PHF12: variants seen among roughly 807,000 people sequenced by gnomAD.
PHF12 encodes the protein PHD factor 1.
Under a neutral mutation model 99.8 loss-of-function variants are expected in PHF12, and 6 were observed. The observed-to-expected ratio is 0.06, with a 90% CI of 0.03 to 0.12. PHF12 has a LOEUF of 0.12. Among genes scored for constraint, PHF12 ranks in the 10% least tolerant of loss-of-function variants. The pLI is 1.00. For synonymous variants in PHF12, 480 were observed against 514.9 expected, an observed-to-expected ratio of 0.93 and a Z score of 0.92; for missense variants, 954 against 1,300.1, an observed-to-expected ratio of 0.73 and a Z score of 4.09.
In PHF12 at chr17:28,951,132, G is replaced by C; in HGVS notation, c.-172C>G. ...CCCCCCGGCCCCCAGTCCCCGGGACGACAGCGTCCTCCCGACGGGCCGCGA... is the reference window on the plus strand; with the variant it reads ...CCCCCCGGCCCCCAGTCCCCGGGACCACAGCGTCCTCCCGACGGGCCGCGA... On this transcript the variant is annotated 5_prime_UTR_variant, in exon 1 of 15. Transcript: ENST00000332830. The C allele has an allele frequency of 7.0e-7, 1 of 1,436,678 alleles. No individual in the cohort carries two copies. The highest frequency in any genetic ancestry group is 9.1e-7 in the Non-Finnish European group (1 of 1,098,266). 89.0% of individuals were successfully genotyped at this position (1,436,678 alleles called of 1,614,324 possible).
intron 4 of PHF12, 45 bp downstream of exon 4, chr17:28,923,863 TG>T: frequency 6.4e-7 from 1 of 1,556,516 alleles, no homozygotes; most frequent in Non-Finnish European, 8.7e-7. Flanking sequence ...GCTGGTCCTT[TG>T]GGGAAACTGG....
intron 2 of PHF12, among the ~76,000 whole-genome samples, chr17:28,927,350 A>T (rs2040299243): frequency 6.6e-6 from 1 of 152,220 alleles, no homozygotes; most frequent in South Asian, 2.1e-4. Flanking sequence ...GTTTTCTTAA[A>T]GCCTGTTAGT....
chr17:28,933,769 G>C (rs1176847601), intron 2 of PHF12, among the ~76,000 whole-genome samples: 2 of 152,064 alleles, frequency 1.3e-5, no homozygotes, highest in East Asian at 3.9e-4. Context: ...AGTAGTCTAG[G>C]CCAGGCTGTA....
rs1294153552 is a variant in PHF12, at chr17:28,949,566, A to C, written c.248+499T>G. The C allele has an allele frequency of 6.5e-6, 1 of 154,646 alleles. No homozygotes were observed. Among genetic ancestry groups the C allele is most frequent in the East Asian group, 1.9e-4 (1 of 5,264 alleles). 9.6% of individuals were successfully genotyped at this position (154,646 alleles called of 1,614,324 possible). On this transcript the variant is annotated intron_variant, in intron 2 of 14. Transcript: ENST00000332830. This position sits in a 1 kb window ranked among gnomAD's most constrained non-coding sequence, Gnocchi z 4.6. ...AAACAGAGAGGCAAAGAAGAGGCGG[A>C]CTCGAGAGACACCCTCCACGATTTT...
In PHF12 at chr17:28,917,777, GGCCCTCTAATAGCA is replaced by G. The variant is rs1232979963; in HGVS notation, c.970-342_970-329del. On this transcript the variant is annotated intron_variant, in intron 6 of 14. Coordinates refer to ENST00000332830, the MANE Select transcript of PHF12 (RefSeq NM_001033561.2). ...TCCAGCTCAGAGAAGCCTCTGTCAG[GGCCCTCTAATAGCA>G]GCACAGGTTTCAGAGAAGACGTATG... 2.0e-5 allele frequency among the ~76,000 whole-genome samples: 3 copies of G among 152,112 alleles called. No individual in the cohort carries two copies. The East Asian group carries it at 5.8e-4, about 29-fold the overall frequency.
chr17:28,921,574 C>CT (rs1317743868), intron 5 of PHF12, 114 bp downstream of exon 5: 1 of 1,333,446 alleles, frequency 7.5e-7, no homozygotes, highest in Non-Finnish European at 1.0e-6. Flanking sequence ...TGTACTCATA[C>CT]TATCAGAATA....
intron 2 of PHF12, among the ~76,000 whole-genome samples, chr17:28,929,250 AT>A (rs1213834193): frequency 5.4e-5 from 8 of 148,684 alleles, no homozygotes; most frequent in South Asian, 2.1e-4. Context: ...AAAATTGAGT[AT>A]TTTTTTTTGA....
chr17:28,907,796 G>A, intron 12 of PHF12, 124 bp from the exon 13 acceptor site: 1 of 754,632 alleles, frequency 1.3e-6, no homozygotes, highest in Non-Finnish European at 2.3e-6. Flanking sequence ...CTTCAAGGGT[G>A]AGTAGCTCAG....
At chr17:28,922,601 C>T (rs1305329749) in intron 4 of PHF12, among the ~76,000 whole-genome samples, 1 of 152,090 alleles carries the variant, frequency 6.6e-6, no homozygotes, top group Non-Finnish European at 1.5e-5. Flanking sequence ...GTCCTATAGA[C>T]ATAGTCACAC....
chr17:28,912,311 G>C, intron 9 of PHF12, 171 bp downstream of exon 9: 1 of 1,398,268 alleles, frequency 7.2e-7, no homozygotes, highest in Non-Finnish European at 9.2e-7. Flanking sequence ...TTTATAAACG[G>C]GACAAGTTAA....
chr17:28,915,373 G>A (rs1482837644), intron 7 of PHF12, among the ~76,000 whole-genome samples: 2 of 152,018 alleles, frequency 1.3e-5, no homozygotes, highest in African/African-American at 2.4e-5. Context: ...TACTGCAATA[G>A]GAGATACAGG....
rs767961195 is a variant in PHF12 at position 28,906,441 on chromosome 17, C to T, written c.2757G>A (p.Pro919=). Residue 919 remains proline, a synonymous_variant, in exon 15 of 15, where the codon CCG becomes CCA. Coordinates refer to ENST00000332830, the MANE Select transcript of PHF12 (RefSeq NM_001033561.2). This position sits in a 1 kb window ranked among gnomAD's most constrained non-coding sequence, Gnocchi z 4.2. Reference sequence around the variant, plus strand: ...CTTTGCAATTGCAGGGTCTCCGCTGCGGCCCCTGGGCCTGGGAACTCATCA... The same window carrying T: ...CTTTGCAATTGCAGGGTCTCCGCTGTGGCCCCTGGGCCTGGGAACTCATCA... ...AAMMSSQAQG[P]QRRPCNCKAS... 12 of 1,613,960 alleles carry T rather than the reference C, an allele frequency of 7.4e-6. No individual in the cohort carries two copies. Among genetic ancestry groups the T allele is most frequent in the Middle Eastern group, 1.6e-4 (1 of 6,082 alleles).
chr17:28,935,714 A>G (rs2040497591), intron 2 of PHF12, among the ~76,000 whole-genome samples: 1 of 152,200 alleles, frequency 6.6e-6, no homozygotes, highest in African/African-American at 2.4e-5. Context: ...GCTCTCTGTG[A>G]GGCCTAGAGG....
intron 2 of PHF12, chr17:28,944,370 G>T: frequency 1.6e-6 from 1 of 636,076 alleles, no homozygotes; most frequent in Non-Finnish European, 2.0e-6. Flanking sequence ...CACAAAAACT[G>T]TAATCTTTCA....
chr17:28,911,438 C>T, intron 9 of PHF12: 1 of 623,940 alleles, frequency 1.6e-6, no homozygotes, highest in Admixed American at 3.0e-5. Context: ...CCCAGGCACG[C>T]AGGAGTCTCC....
At position 28,906,018 on chromosome 17, in the gene PHF12, G is replaced by T. The variant is rs1188125364; in HGVS notation, c.*165C>A. 1.4e-6 allele frequency: 1 copy of T among 717,532 alleles called. No homozygotes were observed. The highest frequency in any genetic ancestry group is 2.9e-5 in the East Asian group (1 of 34,438). The allele number at this position is 717,532 out of a possible 1,614,324, so 44.4% of individuals were successfully genotyped here. A position where few individuals can be genotyped will look rare whatever the true frequency, so the allele number is the denominator to read the frequency against. ...CCCCTAGAACTTGAGAAAAGAAAAA[G>T]GATTTTTAAAAAACAGTCAAAAGGT... On this transcript the variant is annotated 3_prime_UTR_variant, in exon 15 of 15. Transcript: ENST00000332830. This position sits in a 1 kb window ranked among gnomAD's most constrained non-coding sequence, Gnocchi z 4.2.
intron 13 of PHF12, chr17:28,907,289 C>A: frequency 3.8e-6 from 2 of 521,126 alleles, no homozygotes; most frequent in East Asian, 3.3e-5. Context: ...CAGGGACACA[C>A]CCACAAGGCT....
At chr17:28,939,538 G>A (rs980718680) in intron 2 of PHF12, among the ~76,000 whole-genome samples, 2 of 152,228 alleles carry the variant, frequency 1.3e-5, no homozygotes, top group Non-Finnish European at 2.9e-5. Context: ...ATGGTTTAGT[G>A]AACGTGGGAA....
Position 28,906,324 on chromosome 17 carries a change from C to A in PHF12, c.2874G>T (p.Leu958=). ...HHGSYIKLGC[L]QFVFSITEFA... is the part of the protein sequence containing the mutation. ...ACTCAGTGATGCTGAAGACAAACTG[C>A]AGGCAGCCCAGCTTGATGTAGCTGC... is the stretch of plus-strand genomic sequence containing the variant. Residue 958 remains leucine (L), a synonymous_variant, in exon 15 of 15, where the codon CTG becomes CTT. Transcript: ENST00000332830. The surrounding 1 kb of genome is among the most constrained non-coding windows in gnomAD (Gnocchi z 4.2). 1 of 1,614,222 alleles carries A rather than the reference C, an allele frequency of 6.2e-7. No individual in the cohort carries two copies. The highest frequency in any genetic ancestry group is 8.5e-7 in the Non-Finnish European group (1 of 1,180,018).
Sources: gnomAD v4.1 joint callset for allele counts (sites outside exome capture counted in the v4.1 genomes callset) on GRCh38, gnomAD v4.1.1 for gene constraint, Gnocchi (gnomAD v3.1) non-coding constraint, MANE v1.5 for transcripts, NCBI Gene and HGNC (gene_info 2026-07-23, HGNC 2026-07-21) for gene names.